The following GNG7 variants were observed in gnomAD, a reference collection of about 807,000 sequenced individuals.
The protein encoded by GNG7 is G protein subunit gamma 7.
In GNG7, 1 loss-of-function variant was observed where a neutral mutation model predicts 4.0. The observed-to-expected ratio is 0.25, with a 90% CI of 0.09 to 1.18. The LOEUF (loss-of-function observed/expected upper bound fraction) is 1.18, where lower values mean the gene tolerates loss of function less well. Ranked by LOEUF, GNG7 falls within the 50% of genes most tolerant of loss-of-function variation. The probability of loss-of-function intolerance (pLI) is 0.50; values close to 1 mark genes in which losing one functional copy is unlikely to be tolerated. For synonymous variants in GNG7, 34 were observed against 36.9 expected, an observed-to-expected ratio of 0.92 and a Z score of 0.29; for missense variants, 86 against 91.9, an observed-to-expected ratio of 0.94 and a Z score of 0.26.
chr19:2,661,274 G>A lies in GNG7; in HGVS notation c.-134-14994C>T, dbSNP rs868749736. ...GAAAGAAAGAAAGAAAGAAAGAAAAGAAAGAAAGAAAGAAAGAAAGAAAGA... is the reference window on the plus strand; with the variant it reads ...GAAAGAAAGAAAGAAAGAAAGAAAAAAAAGAAAGAAAGAAAGAAAGAAAGA... On this transcript the variant is annotated intron_variant, in intron 1 of 4. Transcript: ENST00000382159. Among the ~76,000 whole-genome samples, 58 of 45,974 alleles carry A rather than the reference G, an allele frequency of 1.3e-3. 3 individuals are homozygous for A. The highest frequency in any genetic ancestry group is 3.2e-3 in the African/African-American group (33 of 10,256). The allele number at this position is 45,974 out of a possible 152,430, so 30.2% of individuals were successfully genotyped here.
intron 3 of GNG7, among the ~76,000 whole-genome samples, chr19:2,547,401 C>T (rs967087710): frequency 1.3e-5 from 2 of 152,084 alleles, no homozygotes; most frequent in Admixed American, 6.5e-5. Context: ...CCGTATCCCT[C>T]GGCTCGGGAC....
chr19:2,638,445 G>GA (rs1982380787), intron 2 of GNG7, among the ~76,000 whole-genome samples: 1 of 41,772 alleles, frequency 2.4e-5, no homozygotes, highest in Non-Finnish European at 5.3e-5. Context: ...AAGGGGAGGG[G>GA]GAGGGGAGGG....
At chr19:2,696,342 GAAAGA>G (rs752466914) in intron 1 of GNG7, among the ~76,000 whole-genome samples, 179 of 128,632 alleles carry the variant, frequency 1.4e-3, no homozygotes, top group African/African-American at 4.9e-3. Context: ...AAGAAAGAAA[GAAAGA>G]AAAGAAAGAA....
Position 2,512,934 on chromosome 19 carries a change from G to A in GNG7, c.*2088C>T, listed in dbSNP as rs1972676271. 9.1e-6 allele frequency: 9 copies of A among 985,338 alleles called. No homozygotes were observed. The South Asian group carries it at 2.8e-4, about 31-fold the overall frequency. The allele number at this position is 985,338 out of a possible 1,614,324, so 61.0% of individuals were successfully genotyped here. Reference sequence around the variant, plus strand: ...ACACCCCAAACCCTGCCGGCTCCCAGCCCAACCACAGGAGGCTGCAGTCTC... The same window carrying A: ...ACACCCCAAACCCTGCCGGCTCCCAACCCAACCACAGGAGGCTGCAGTCTC... On this transcript the variant is annotated 3_prime_UTR_variant, in exon 5 of 5. Transcript: ENST00000382159. This position sits in a 1 kb window ranked among gnomAD's most constrained non-coding sequence, Gnocchi z 4.7.
intron 3 of GNG7, among the ~76,000 whole-genome samples, chr19:2,521,612 G>GTTT (rs71178284): frequency 0.025 from 2,642 of 104,590 alleles, 254 homozygotes; most frequent in African/African-American, 0.091. Context: ...CCCCCTCCGT[G>GTTT]TTTTTTTTTT....
At chr19:2,623,774 A>T (rs145379451) in intron 2 of GNG7, among the ~76,000 whole-genome samples, 1 of 151,994 alleles carries the variant, frequency 6.6e-6, no homozygotes, top group Non-Finnish European at 1.5e-5. Context: ...CCAGCTACTC[A>T]GGAGGCTGAA....
At chr19:2,547,509 G>A (rs907977126) in intron 3 of GNG7, among the ~76,000 whole-genome samples, 3 of 151,698 alleles carry the variant, frequency 2.0e-5, no homozygotes, top group African/African-American at 4.8e-5. Flanking sequence ...AGGTCACTGC[G>A]CCCCCCCACC....
intron 2 of GNG7, among the ~76,000 whole-genome samples, chr19:2,623,275 G>A (rs752152024): frequency 5.3e-5 from 8 of 152,058 alleles, no homozygotes; most frequent in South Asian, 4.1e-4. Flanking sequence ...AGCTGTGATC[G>A]TGCCACTGCA....
chr19:2,558,011 T>C (rs999498072), intron 2 of GNG7, among the ~76,000 whole-genome samples: 2 of 151,706 alleles, frequency 1.3e-5, no homozygotes, highest in Non-Finnish European at 2.9e-5. Context: ...CTGGGTAATT[T>C]TTTGTGTTTT....
intron 2 of GNG7, among the ~76,000 whole-genome samples, chr19:2,622,937 G>T (rs938380896): frequency 1.3e-5 from 2 of 152,332 alleles, no homozygotes; most frequent in Non-Finnish European, 2.9e-5. Flanking sequence ...CCCCGGGCAC[G>T]GCCACTGATA....
chr19:2,579,008 A>AGGAAATG (rs1980423522), intron 2 of GNG7, among the ~76,000 whole-genome samples: 1 of 151,586 alleles, frequency 6.6e-6, no homozygotes, highest in Non-Finnish European at 1.5e-5. Flanking sequence ...GCGAGAGGCC[A>AGGAAATG]GGAAATGGCT....
chr19:2,688,851 T>C (rs923007940), intron 1 of GNG7, among the ~76,000 whole-genome samples: 5 of 152,054 alleles, frequency 3.3e-5, no homozygotes, highest in African/African-American at 9.7e-5. Context: ...GGATCACTTG[T>C]GTTCAGGAGT....
At chr19:2,573,215 G>A (rs369046580) in intron 2 of GNG7, among the ~76,000 whole-genome samples, 1 of 151,156 alleles carries the variant, frequency 6.6e-6, no homozygotes, top group East Asian at 2.0e-4. Context: ...TAGCGACGGG[G>A]TTTCACCATG....
At position 2,520,606 on chromosome 19, in the gene GNG7, A is replaced by G; in HGVS notation, c.81+2T>C. 6.5e-7 allele frequency: 1 copy of G among 1,531,104 alleles called. No homozygotes were observed. Among genetic ancestry groups the G allele is most frequent in the Non-Finnish European group, 8.9e-7 (1 of 1,127,160 alleles). 94.8% of individuals were successfully genotyped at this position (1,531,104 alleles called of 1,614,324 possible). ...CCTCTTCCTGATGCCCGCTGGGCTC[A>G]CCTTGATGCGCTCAATCCCGGCTTC... On this transcript the variant is annotated splice_donor_variant, in intron 4 of 4. Coordinates refer to ENST00000382159, the MANE Select transcript of GNG7 (RefSeq NM_052847.3). LOFTEE classifies it high-confidence loss of function.
intron 1 of GNG7, among the ~76,000 whole-genome samples, chr19:2,669,258 A>C (rs570762004): frequency 6.6e-6 from 1 of 151,848 alleles, no homozygotes; most frequent in African/African-American, 2.4e-5. Context: ...TTGGGAGGCT[A>C]AGGCGGGCAG....
chr19:2,549,306 TC>T (rs1979239227), intron 3 of GNG7, among the ~76,000 whole-genome samples: 4 of 151,114 alleles, frequency 2.6e-5, no homozygotes, highest in Admixed American at 1.3e-4. Context: ...TTTTTTTTTT[TC>T]TTTTAGATGG....
intron 3 of GNG7, among the ~76,000 whole-genome samples, chr19:2,544,378 A>G (rs569791118): frequency 3.2e-4 from 49 of 152,230 alleles, no homozygotes; most frequent in African/African-American, 1.0e-3. Flanking sequence ...CTCAGCCATG[A>G]GCACCCCCGG....
chr19:2,529,113 C>T (rs560675384), intron 3 of GNG7, among the ~76,000 whole-genome samples: 1 of 152,334 alleles, frequency 6.6e-6, no homozygotes, highest in South Asian at 2.1e-4. Context: ...CTGGGCAGAG[C>T]TGGAAGCTGA....
intron 1 of GNG7, among the ~76,000 whole-genome samples, chr19:2,695,923 C>T (rs989670064): frequency 2.2e-4 from 33 of 152,094 alleles, no homozygotes; most frequent in African/African-American, 8.0e-4. Flanking sequence ...CTTTGGGAGG[C>T]CGAGGCGGGC....
Sources: allele counts gnomAD v4.1 joint callset (sites outside exome capture counted in the v4.1 genomes callset), GRCh38; gene constraint gnomAD v4.1.1; non-coding constraint Gnocchi (gnomAD v3.1); transcripts MANE v1.5; gene names NCBI Gene and HGNC (gene_info 2026-07-23, HGNC 2026-07-21).